Variants in CRHBP observed in about 807,000 individuals in gnomAD.
CRHBP encodes the protein corticotropin releasing hormone binding protein.
A neutral mutation model predicts 34.9 loss-of-function variants in CRHBP; 19 were observed. The ratio of observed to expected loss-of-function variants is 0.55; its 90% CI spans 0.38 to 0.80. CRHBP has a LOEUF of 0.80. Ranked by LOEUF, CRHBP falls within the 30% of genes least tolerant of loss-of-function variation. The pLI is 0.00. For synonymous variants in CRHBP, 154 were observed against 153.4 expected, an observed-to-expected ratio of 1.00 and a Z score of -0.03; for missense variants, 328 against 409.2, an observed-to-expected ratio of 0.80 and a Z score of 1.71.
At chr5:76,962,053 A>G (rs1250906807) in intron 5 of CRHBP, among the ~76,000 whole-genome samples, 1 of 152,128 alleles carries the variant, frequency 6.6e-6, no homozygotes, top group Non-Finnish European at 1.5e-5. Context: ...CATGCTGGTC[A>G]GTGCCCTTCT....
downstream of CRHBP, among the ~76,000 whole-genome samples, chr5:76,971,057 C>A (rs1050447779): frequency 2.0e-5 from 3 of 152,174 alleles, no homozygotes; most frequent in Non-Finnish European, 4.4e-5. Flanking sequence ...TAAATGAAAT[C>A]TCCGGGGGAG....
At chr5:76,980,254 CAAAAA>C (rs574362034) in intron 3 of CRHBP, among the ~76,000 whole-genome samples, 1 of 82,388 alleles carries the variant, frequency 1.2e-5, no homozygotes, top group Non-Finnish European at 2.5e-5. Flanking sequence ...GACTCCGTCT[CAAAAA>C]AAAAAAAAAA....
chr5:76,971,627 A>G (rs964457203), downstream of CRHBP, among the ~76,000 whole-genome samples: 4 of 152,076 alleles, frequency 2.6e-5, no homozygotes, highest in African/African-American at 9.7e-5. Flanking sequence ...TCATGTCAGG[A>G]TTTATCTAAT....
downstream of CRHBP, among the ~76,000 whole-genome samples, chr5:76,973,088 A>G (rs1580099353): frequency 6.6e-6 from 1 of 152,198 alleles, no homozygotes; most frequent in East Asian, 1.9e-4. Flanking sequence ...GACTATGCAT[A>G]TCCACATTGG....
chr5:76,962,971 T>C (rs1227174135), intron 5 of CRHBP, among the ~76,000 whole-genome samples: 1 of 152,186 alleles, frequency 6.6e-6, no homozygotes, highest in Non-Finnish European at 1.5e-5. Flanking sequence ...CATTAAGAAA[T>C]TGGAGTGATT....
At chr5:76,975,828 A>ATATCTATC (rs1463791695) in intron 2 of CRHBP, among the ~76,000 whole-genome samples, 1 of 90,488 alleles carries the variant, frequency 1.1e-5, no homozygotes, top group African/African-American at 6.3e-5. Context: ...AAAAAAAAAT[A>ATATCTATC]TATATATATA....
intron 5 of CRHBP, 163 bp from the exon 6 acceptor site, chr5:76,963,179 CT>C: frequency 1.7e-6 from 1 of 592,768 alleles, no homozygotes; most frequent in Non-Finnish European, 3.0e-6. Flanking sequence ...GATTTTTTCT[CT>C]TTTAAATGTC....
intron 2 of CRHBP, 105 bp from the exon 3 acceptor site, chr5:76,953,924 G>A (rs1410388657): frequency 1.7e-5 from 23 of 1,384,688 alleles, no homozygotes; most frequent in Admixed American, 2.4e-5. Flanking sequence ...CGGGGCGCTG[G>A]GCACTACAGA....
chr5:76,964,588 TC>T (rs1371674080), intron 6 of CRHBP, among the ~76,000 whole-genome samples: 3 of 152,226 alleles, frequency 2.0e-5, no homozygotes, highest in Admixed American at 6.5e-5. Flanking sequence ...GCGCGGTGTC[TC>T]ACGCCTGTAA....
chr5:76,958,676 A>G, intron 4 of CRHBP, 65 bp from the exon 5 acceptor site: 1 of 1,534,640 alleles, frequency 6.5e-7, no homozygotes, highest in Admixed American at 2.0e-5. Flanking sequence ...AGATACAATA[A>G]ATGTCTATAA....
intron 3 of CRHBP, among the ~76,000 whole-genome samples, chr5:76,980,676 T>C (rs1746105642): frequency 6.6e-6 from 1 of 152,166 alleles, no homozygotes. Flanking sequence ...AGATTTTGAG[T>C]AAAGCAAATT....
chr5:76,971,440 G>A (rs765927100), downstream of CRHBP, among the ~76,000 whole-genome samples: 4 of 152,172 alleles, frequency 2.6e-5, no homozygotes, highest in East Asian at 1.9e-4. Flanking sequence ...TGGGTCCTCC[G>A]TACTCTTATT....
chr5:76,962,547 G>C (rs1392567868), intron 5 of CRHBP, among the ~76,000 whole-genome samples: 4 of 151,748 alleles, frequency 2.6e-5, no homozygotes, highest in African/African-American at 9.7e-5. Context: ...GGGAGTCCGA[G>C]GCAGGAGGAT....
intron 6 of CRHBP, among the ~76,000 whole-genome samples, chr5:76,966,746 C>T (rs1302053851): frequency 1.3e-5 from 2 of 152,102 alleles, no homozygotes; most frequent in Non-Finnish European, 2.9e-5. Context: ...TGCCTTAATT[C>T]TTTTCTTTCT....
intron 5 of CRHBP, among the ~76,000 whole-genome samples, chr5:76,961,230 G>A (rs1478043301): frequency 6.6e-6 from 1 of 152,186 alleles, no homozygotes; most frequent in Non-Finnish European, 1.5e-5. Context: ...TTGCAAAGAA[G>A]GGAGAAAAAT....
rs768230428 is a variant in CRHBP at position 76,963,336 on chromosome 5, C to G, written c.694-7C>G. 2 of 1,611,746 alleles carry G rather than the reference C, an allele frequency of 1.2e-6. No homozygotes were observed. Among genetic ancestry groups the G allele is most frequent in the Non-Finnish European group, 1.7e-6 (2 of 1,177,970 alleles). ...ATGTGTCTTTCTCTGCTGCTTTATT[C>G]CCTTAGAAATCCTCAGCAGGTTGCG... On this transcript the variant is annotated splice_polypyrimidine_tract_variant and splice_region_variant and intron_variant, in intron 5 of 6. Coordinates refer to ENST00000274368, the MANE Select transcript of CRHBP (RefSeq NM_001882.4).
At chr5:76,979,095 C>T (rs1342557847) in intron 3 of CRHBP, among the ~76,000 whole-genome samples, 1 of 152,222 alleles carries the variant, frequency 6.6e-6, no homozygotes, top group Non-Finnish European at 1.5e-5. Flanking sequence ...GATTATGACT[C>T]GCTGAAGGAT....
intron 5 of CRHBP, among the ~76,000 whole-genome samples, chr5:76,959,653 CAAAT>C (rs913890349): frequency 6.6e-6 from 1 of 152,068 alleles, no homozygotes; most frequent in Non-Finnish European, 1.5e-5. Context: ...TAGTGAAAAC[CAAAT>C]AAATAGAACT....
downstream of CRHBP, among the ~76,000 whole-genome samples, chr5:76,973,816 T>TTTA (rs1192203792): frequency 6.6e-6 from 1 of 151,954 alleles, no homozygotes; most frequent in Non-Finnish European, 1.5e-5. Context: ...GCTATTTTAT[T>TTTA]TTATTTAAGA....
Sources: allele counts gnomAD v4.1 joint callset (sites outside exome capture counted in the v4.1 genomes callset), GRCh38; gene constraint gnomAD v4.1.1; transcripts MANE v1.5; gene names NCBI Gene and HGNC (gene_info 2026-07-23, HGNC 2026-07-21).